Variants in PDZRN3 observed in about 807,000 individuals in gnomAD.
PDZRN3 encodes E3 ubiquitin-protein ligase PDZRN3.
In PDZRN3, 38 loss-of-function variants were observed where a neutral mutation model predicts 85.7. The observed-to-expected ratio is 0.44, with a 90% confidence interval of 0.34 to 0.58. The LOEUF (loss-of-function observed/expected upper bound fraction) is 0.58, where lower values mean the gene tolerates loss of function less well. PDZRN3 is among the 20% of genes least tolerant of loss of function. The pLI, the probability that PDZRN3 is intolerant of heterozygous loss-of-function variation, is 0.01. For synonymous variants in PDZRN3, 759 were observed against 638.0 expected, an observed-to-expected ratio of 1.19 and a Z score of -2.86; for missense variants, 1,629 against 1,506.4, an observed-to-expected ratio of 1.08 and a Z score of -1.35.
intron 3 of PDZRN3, among the ~76,000 whole-genome samples, chr3:73,487,286 T>C (rs1382700654): frequency 6.6e-6 from 1 of 152,190 alleles, no homozygotes; most frequent in African/African-American, 2.4e-5. Flanking sequence ...TTTAATTCTG[T>C]GCCTTATTAT....
intron 3 of PDZRN3, among the ~76,000 whole-genome samples, chr3:73,528,924 G>A (rs1225883808): frequency 6.7e-6 from 1 of 149,490 alleles, no homozygotes; most frequent in African/African-American, 2.5e-5. Context: ...ACACGCACAT[G>A]CACACACAGA....
At chr3:73,469,823 T>C (rs971193044) in intron 3 of PDZRN3, among the ~76,000 whole-genome samples, 2 of 152,254 alleles carry the variant, frequency 1.3e-5, no homozygotes, top group African/African-American at 4.8e-5. Context: ...GATGCACTGA[T>C]TGAAGGTGAG....
chr3:73,582,126 C>T (rs1239775027), intron 3 of PDZRN3, among the ~76,000 whole-genome samples: 1 of 152,052 alleles, frequency 6.6e-6, no homozygotes, highest in Non-Finnish European at 1.5e-5. Flanking sequence ...ACCGACATCT[C>T]ATATGTGTAC....
chr3:73,561,134 A>C (rs1370128698), intron 3 of PDZRN3, among the ~76,000 whole-genome samples: 2 of 152,234 alleles, frequency 1.3e-5, no homozygotes, highest in African/African-American at 4.8e-5. Context: ...CTTCTCATTG[A>C]TCTACTGGAT....
rs1354551642 is a variant in PDZRN3 at position 73,602,386 on chromosome 3, C to T, written c.886G>A (p.Gly296Arg). 1.2e-6 allele frequency: 2 copies of T among 1,607,026 alleles called. No homozygotes were observed. Among genetic ancestry groups the T allele is most frequent in the East Asian group, 4.5e-5 (2 of 44,872 alleles). ...ATCCTGTCATGAATTTGCAGGCCTC[C>T]TTCCTTGGCTGCAGGCCCACTGTCA... ...IVDSGPAAKE[G>R]GLQIHDRIIE... Residue 296 changes from glycine to arginine, a missense_variant, in exon 3 of 10, where the codon GGA becomes AGA. Coordinates refer to ENST00000263666, the MANE Select transcript of PDZRN3 (RefSeq NM_015009.3).
intron 3 of PDZRN3, among the ~76,000 whole-genome samples, chr3:73,503,795 T>C (rs1482350129): frequency 6.6e-6 from 1 of 152,196 alleles, no homozygotes; most frequent in African/African-American, 2.4e-5. Flanking sequence ...TATCACAAAC[T>C]GAAATTAAAC....
intron 1 of PDZRN3, among the ~76,000 whole-genome samples, chr3:73,612,020 T>C (rs186025811): frequency 1.7e-3 from 259 of 152,336 alleles, no homozygotes; most frequent in Non-Finnish European, 1.9e-3. Context: ...GTAACTGTGA[T>C]AGGCAGCAGC....
rs36036904 is a variant in PDZRN3, at chr3:73,390,654, T to TGTGTGTGAGA, written c.1353+363_1353+364insTCTCACACAC. Among the ~76,000 whole-genome samples, 391 of 140,028 alleles carry TGTGTGTGAGA rather than the reference T, an allele frequency of 2.8e-3. 3 individuals carry two copies. The highest frequency in any genetic ancestry group is 6.1e-3 in the African/African-American group (229 of 37,362). 91.9% of individuals were successfully genotyped at this position (140,028 alleles called of 152,430 possible). A position where few individuals can be genotyped will look rare whatever the true frequency, so the allele number is the denominator to read the frequency against. ...AAAAAAATGTGTGTGTGTGTGTGTG[T>TGTGTGTGAGA]GAGAGAGAGAGAGAGAGAGGCTTTA... On this transcript the variant is annotated intron_variant, in intron 6 of 9. Coordinates refer to ENST00000263666, the MANE Select transcript of PDZRN3 (RefSeq NM_015009.3).
intron 3 of PDZRN3, among the ~76,000 whole-genome samples, chr3:73,436,146 A>G (rs1308194011): frequency 6.6e-6 from 1 of 152,204 alleles, no homozygotes; most frequent in African/African-American, 2.4e-5. Flanking sequence ...GATCTTCCAA[A>G]GTACTGTGTC....
intron 3 of PDZRN3, among the ~76,000 whole-genome samples, chr3:73,590,978 C>A (rs1258691542): frequency 2.0e-5 from 3 of 152,170 alleles, no homozygotes; most frequent in Non-Finnish European, 4.4e-5. Flanking sequence ...CAGATTCTAA[C>A]ACAGAAGCCA....
intron 4 of PDZRN3, 97 bp downstream of exon 4, chr3:73,404,051 T>C (rs1052443064): frequency 1.2e-5 from 15 of 1,236,298 alleles, no homozygotes; most frequent in East Asian, 9.4e-5. Flanking sequence ...GGAGGAAAAC[T>C]ATAGGGTGCA....
chr3:73,452,813 T>G (rs1387366479), intron 3 of PDZRN3, among the ~76,000 whole-genome samples: 1 of 142,056 alleles, frequency 7.0e-6, no homozygotes, highest in African/African-American at 2.7e-5. Flanking sequence ...CAACGACTAG[T>G]GCCAATTCTC....
intron 3 of PDZRN3, among the ~76,000 whole-genome samples, chr3:73,479,378 C>T (rs1000856584): frequency 7.8e-6 from 1 of 128,554 alleles, no homozygotes; most frequent in Non-Finnish European, 1.7e-5. Flanking sequence ...CCAGCATACA[C>T]CTTCTCAAAG....
intron 3 of PDZRN3, among the ~76,000 whole-genome samples, chr3:73,423,042 A>G (rs1289967794): frequency 6.6e-6 from 1 of 152,246 alleles, no homozygotes; most frequent in East Asian, 1.9e-4. Context: ...CAGTATGTGC[A>G]TTACAAGTTA....
chr3:73,624,150 G>T lies in PDZRN3; in HGVS notation c.676C>A (p.Arg226Ser). ...YQKKFTEYSA[R>S]LDSLSRCVAA... ...ACGCAGCGGCTGAGCGAGTCGAGGCGCGCGCTGTATTCGGTGAATTTCTTC... is the reference window on the plus strand; with the variant it reads ...ACGCAGCGGCTGAGCGAGTCGAGGCTCGCGCTGTATTCGGTGAATTTCTTC... The change falls in exon 1 of 10, where the codon CGC becomes AGC. Residue 226 changes from arginine (R) to serine (S), a missense_variant. Physicochemically the swap from Arg to Ser is moderately radical, Grantham distance 110. Coordinates refer to ENST00000263666, the MANE Select transcript of PDZRN3 (RefSeq NM_015009.3). 6.7e-7 allele frequency: 1 copy of T among 1,494,266 alleles called. No homozygotes were observed. The allele number at this position is 1,494,266 out of a possible 1,614,324, so 92.6% of individuals were successfully genotyped here.
intron 3 of PDZRN3, among the ~76,000 whole-genome samples, chr3:73,457,339 C>A (rs1298178141): frequency 6.6e-6 from 1 of 152,096 alleles, no homozygotes; most frequent in African/African-American, 2.4e-5. Context: ...TTCCAAAGTG[C>A]TGGGATTACA....
rs191081402 is a variant in PDZRN3 at position 73,395,700 on chromosome 3, G to C, written c.1255-4584C>G. 2.2e-3 allele frequency among the ~76,000 whole-genome samples: 328 copies of C among 152,306 alleles called. 3 individuals carry two copies. Among genetic ancestry groups the C allele is most frequent in the African/African-American group, 7.6e-3 (316 of 41,560 alleles). ...GTTATCTCAACAGTTTCTGTATCTA[G>C]TCATGGTGCTATGTGGGATACAGAA... On this transcript the variant is annotated intron_variant, in intron 5 of 9. Coordinates refer to ENST00000263666, the MANE Select transcript of PDZRN3 (RefSeq NM_015009.3).
At chr3:73,457,042 G>A (rs1702993253) in intron 3 of PDZRN3, among the ~76,000 whole-genome samples, 1 of 151,988 alleles carries the variant, frequency 6.6e-6, no homozygotes, top group Non-Finnish European at 1.5e-5. Context: ...TAATATGAAT[G>A]GATTCATGGC....
At chr3:73,392,284 A>G (rs1701544290) in intron 5 of PDZRN3, among the ~76,000 whole-genome samples, 1 of 152,250 alleles carries the variant, frequency 6.6e-6, no homozygotes, top group South Asian at 2.1e-4. Flanking sequence ...GGCAGGGCCC[A>G]CAGGCCAGCA....
Sources: gnomAD v4.1 joint callset for allele counts (sites outside exome capture counted in the v4.1 genomes callset) on GRCh38, gnomAD v4.1.1 for gene constraint, MANE v1.5 for transcripts, NCBI Gene and HGNC (gene_info 2026-07-23, HGNC 2026-07-21) for gene names.